DLGAP4: variants seen among roughly 807,000 people sequenced by gnomAD.
DLGAP4 encodes DLG associated protein 4, also known as disks large-associated protein 4.
A neutral mutation model predicts 86.9 loss-of-function variants in DLGAP4; 18 were observed. That is an observed-to-expected ratio of 0.21 (90% confidence interval 0.14 to 0.31). The LOEUF (loss-of-function observed/expected upper bound fraction) is 0.31, where lower values mean the gene tolerates loss of function less well. DLGAP4 is among the 10% of genes least tolerant of loss of function. The probability of loss-of-function intolerance (pLI) is 1.00; values close to 1 mark genes in which losing one functional copy is unlikely to be tolerated. For synonymous variants in DLGAP4, 548 were observed against 574.3 expected, an observed-to-expected ratio of 0.95 and a Z score of 0.65; for missense variants, 1,085 against 1,362.6, an observed-to-expected ratio of 0.80 and a Z score of 3.21.
intron 2 of DLGAP4, among the ~76,000 whole-genome samples, chr20:36,416,018 A>G (rs927510070): frequency 6.6e-6 from 1 of 152,182 alleles, no homozygotes; most frequent in Non-Finnish European, 1.5e-5. Flanking sequence ...CATATGCTTT[A>G]TGTCAGCCAC....
chr20:36,426,602 G>A (rs2032980435), intron 2 of DLGAP4, among the ~76,000 whole-genome samples: 1 of 152,260 alleles, frequency 6.6e-6, no homozygotes, highest in South Asian at 2.1e-4. Context: ...TGGGTACAGA[G>A]TTTCTGTTTG....
chr20:36,444,648 A>C (rs1052396862), intron 6 of DLGAP4, among the ~76,000 whole-genome samples: 2 of 151,772 alleles, frequency 1.3e-5, no homozygotes, highest in Non-Finnish European at 2.9e-5. Context: ...AATCAAAAAA[A>C]ATTTTTTTTT....
chr20:36,462,667 G>T, intron 7 of DLGAP4: 1 of 1,540,974 alleles, frequency 6.5e-7, no homozygotes, highest in South Asian at 1.2e-5. Flanking sequence ...AGGCTCCATG[G>T]GGTTGGCGCT....
At chr20:36,331,981 G>A (rs1368672411) in intron 1 of DLGAP4, among the ~76,000 whole-genome samples, 11 of 152,142 alleles carry the variant, frequency 7.2e-5, no homozygotes, top group East Asian at 3.9e-4. Flanking sequence ...AGTCGGGGGC[G>A]GGTAGGGGGA....
At chr20:36,409,900 G>A (rs1442799148) in intron 2 of DLGAP4, among the ~76,000 whole-genome samples, 2 of 151,432 alleles carry the variant, frequency 1.3e-5, no homozygotes, top group Admixed American at 6.6e-5. Context: ...CGGGTATGGT[G>A]GCGGGCGCCT....
intron 9 of DLGAP4, 112 bp downstream of exon 9, chr20:36,499,788 G>A (rs1337733600): frequency 1.8e-6 from 2 of 1,130,268 alleles, no homozygotes; most frequent in Non-Finnish European, 2.6e-6. Context: ...TAATAACCAA[G>A]CTGGGTTTGG....
intron 1 of DLGAP4, among the ~76,000 whole-genome samples, chr20:36,365,503 T>C (rs2030654766): frequency 6.6e-6 from 1 of 152,236 alleles, no homozygotes; most frequent in African/African-American, 2.4e-5. Context: ...CTTGGTTTGG[T>C]GATGTTGTCC....
intron 7 of DLGAP4, among the ~76,000 whole-genome samples, chr20:36,491,434 TGA>T (rs773439929): frequency 4.6e-5 from 7 of 151,868 alleles, no homozygotes; most frequent in Non-Finnish European, 2.9e-5. Flanking sequence ...CCTGCATGGC[TGA>T]GAGGGGGTCA....
rs2147469059 is a variant in DLGAP4 at position 36,393,983 on chromosome 20, CCCT to C, written c.-73+26714_-73+26716del. 6.6e-6 allele frequency among the ~76,000 whole-genome samples: 1 copy of C among 152,312 alleles called. No individual in the cohort carries two copies. The highest frequency in any genetic ancestry group is 2.1e-4 in the South Asian group (1 of 4,828). On this transcript the variant is annotated intron_variant, in intron 2 of 12. Transcript: ENST00000339266. The surrounding 1 kb of genome is among the most constrained non-coding windows in gnomAD (Gnocchi z 4.4). ...AGGTGGCCTTCACAGGGTGCCCCCT[CCCT>C]CCTCCATGCCGCACTGGCCTGCCTT... is the stretch of plus-strand genomic sequence containing the variant.
At chr20:36,461,532 C>T (rs2034048760) in intron 7 of DLGAP4, 2 of 976,148 alleles carry the variant, frequency 2.0e-6, no homozygotes, top group Non-Finnish European at 1.2e-6. Context: ...CCGCTGGCCG[C>T]CGCCGCCGCC....
At chr20:36,440,519 A>G (rs1001428284) in intron 5 of DLGAP4, among the ~76,000 whole-genome samples, 1 of 152,106 alleles carries the variant, frequency 6.6e-6, no homozygotes, top group Non-Finnish European at 1.5e-5. Context: ...CCTCTCAACC[A>G]TCAGCTCCTT....
At chr20:36,333,070 A>G (rs1383442283) in intron 1 of DLGAP4, among the ~76,000 whole-genome samples, 1 of 151,910 alleles carries the variant, frequency 6.6e-6, no homozygotes, top group Non-Finnish European at 1.5e-5. Flanking sequence ...TAAAAGGGAG[A>G]TGCTACCTCC....
intron 1 of DLGAP4, among the ~76,000 whole-genome samples, chr20:36,320,755 G>C (rs537397113): frequency 6.6e-6 from 1 of 152,064 alleles, no homozygotes; most frequent in Non-Finnish European, 1.5e-5. Context: ...GGGGGACACT[G>C]ATGAGACAGA....
At chr20:36,477,026 G>C (rs1334573892) in intron 7 of DLGAP4, among the ~76,000 whole-genome samples, 2 of 151,406 alleles carry the variant, frequency 1.3e-5, no homozygotes, top group Non-Finnish European at 2.9e-5. Flanking sequence ...TATATTTGAA[G>C]GGCAGCTGAG....
intron 2 of DLGAP4, among the ~76,000 whole-genome samples, chr20:36,385,606 G>A (rs1352122740): frequency 6.6e-6 from 1 of 152,224 alleles, no homozygotes; most frequent in East Asian, 1.9e-4. Context: ...CGGGCAGGCA[G>A]TCTCAAGCCC....
intron 2 of DLGAP4, among the ~76,000 whole-genome samples, chr20:36,409,414 CTTT>C (rs763499914): frequency 4.1e-4 from 54 of 130,608 alleles, no homozygotes; most frequent in Admixed American, 9.3e-4. Flanking sequence ...TTTTTTAACT[CTTT>C]TTTTTTTTTT....
chr20:36,332,389 T>C (rs782206209), intron 1 of DLGAP4, among the ~76,000 whole-genome samples: 5 of 152,092 alleles, frequency 3.3e-5, no homozygotes, highest in Non-Finnish European at 2.9e-5. Flanking sequence ...TTTTGTTTTG[T>C]TTTTTTGTTT....
rs1247409909 is a variant in DLGAP4 at position 36,524,268 on chromosome 20, G to T, written c.2531G>T (p.Ser844Ile). The stretch of plus-strand genomic sequence containing the variant: ...TTCTCAGTCTTAGGAAAAGTCCTCA[G>T]TGCTGTGGGCAGTGCCCAGCTACTG... ...LSEEVLGKVL[S>I]AVGSAQLLMS... is the part of the protein sequence containing the mutation. Residue 844 changes from serine (S) to isoleucine (I), a missense_variant, in exon 11 of 13, where the codon AGT (serine) becomes ATT (isoleucine). This residue lies in a region of DLGAP4 where 1,082 missense variants were observed against 1,344.1 expected (regional missense o/e 0.81). Transcript: ENST00000339266. 3 of 1,614,234 alleles carry T rather than the reference G, an allele frequency of 1.9e-6. No homozygotes were observed. In the East Asian group the frequency reaches 6.7e-5, roughly 36 times the overall value.
chr20:36,372,316 C>G (rs2030975049), intron 2 of DLGAP4, among the ~76,000 whole-genome samples: 1 of 152,158 alleles, frequency 6.6e-6, no homozygotes, highest in South Asian at 2.1e-4. Context: ...CACTGGGAGT[C>G]AGACCCAGGT....
Sources: gnomAD v4.1 joint callset for allele counts (sites outside exome capture counted in the v4.1 genomes callset) on GRCh38, gnomAD v4.1.1 for gene constraint, gnomAD v4.1.1 regional missense constraint, Gnocchi (gnomAD v3.1) non-coding constraint, MANE v1.5 for transcripts, NCBI Gene and HGNC (gene_info 2026-07-23, HGNC 2026-07-21) for gene names.